Variants in MTAP observed in about 807,000 individuals in gnomAD.
MTAP encodes the protein methylthioadenosine phosphorylase.
Under a neutral mutation model 33.6 loss-of-function variants are expected in MTAP, and 33 were observed. That is an observed-to-expected ratio of 0.98 (90% CI 0.74 to 1.31). The LOEUF (loss-of-function observed/expected upper bound fraction) is 1.31. Ranked by LOEUF, MTAP falls within the 40% of genes most tolerant of loss-of-function variation. The pLI is 0.00. For synonymous variants in MTAP, 148 were observed against 125.7 expected (o/e 1.18, Z -1.19); for missense variants, 367 against 360.0 (o/e 1.02, Z -0.16).
intron 1 of MTAP, among the ~76,000 whole-genome samples, chr9:21,895,597 G>A (rs1563862474): frequency 6.6e-6 from 1 of 152,136 alleles, no homozygotes; most frequent in Non-Finnish European, 1.5e-5. Context: ...TGGAAAACTG[G>A]GACACTCCCA....
chr9:21,854,755 A>G lies in MTAP; in HGVS notation c.575A>G (p.Asp192Gly). The change falls in exon 6 of 8, where the codon GAT (aspartate) becomes GGT (glycine). Residue 192 changes from aspartate to glycine, a missense_variant. Transcript: ENST00000644715. ...ESFMFRTWGA[D>G]VINMTTVPEV... The stretch of plus-strand genomic sequence containing the variant: ...TTCATGTTCCGCACCTGGGGGGCGG[A>G]TGTTATCAACATGACCACAGTTCCA... 1.2e-6 allele frequency: 2 copies of G among 1,614,176 alleles called. No homozygotes were observed. Among genetic ancestry groups the G allele is most frequent in the Non-Finnish European group, 1.7e-6 (2 of 1,180,010 alleles).
At chr9:21,824,485 A>G (rs539108785) in intron 4 of MTAP, among the ~76,000 whole-genome samples, 48 of 152,252 alleles carry the variant, frequency 3.2e-4, no homozygotes, top group Admixed American at 6.5e-4. Flanking sequence ...AGGGGTACCC[A>G]GCCGTGTGAG....
At chr9:21,833,475 C>T (rs1277498653) in intron 4 of MTAP, among the ~76,000 whole-genome samples, 1 of 152,186 alleles carries the variant, frequency 6.6e-6, no homozygotes, top group Admixed American at 6.5e-5. Flanking sequence ...GTGAGCCTCA[C>T]TTCCTTCTGG....
chr9:21,905,035 A>G (rs1004066137), intron 1 of MTAP, among the ~76,000 whole-genome samples: 15 of 152,140 alleles, frequency 9.9e-5, no homozygotes, highest in African/African-American at 3.1e-4. Context: ...TACAGCTCCT[A>G]AAGCCCCAGT....
chr9:21,885,523 C>T lies in MTAP; in HGVS notation c.147+30653C>T, dbSNP rs747025467. Among the ~76,000 whole-genome samples, 55 of 152,164 alleles carry T rather than the reference C, an allele frequency of 3.6e-4. No individual in the cohort carries two copies. In the Middle Eastern group the frequency reaches 0.014, roughly 38 times the overall value. ...TTCCAAAATTTTGGTACACCCATCA[C>T]CCAAGCAGTGTACACTGTACCCAAT... On this transcript the variant is annotated intron_variant, in intron 1 of 1. Coordinates refer to the MTAP transcript ENST00000577563.
At chr9:21,813,684 T>A (rs1824407552) in intron 1 of MTAP, 1 of 152,194 alleles carries the variant, frequency 6.6e-6, no homozygotes, top group Admixed American at 6.5e-5. Flanking sequence ...AAAGTGGTGA[T>A]AAGTTAAAAA....
At chr9:21,835,566 C>G (rs1825084873) in intron 4 of MTAP, among the ~76,000 whole-genome samples, 1 of 152,002 alleles carries the variant, frequency 6.6e-6, no homozygotes, top group African/African-American at 2.4e-5. Flanking sequence ...GGCAACAGTC[C>G]CCACTTTGTG....
intron 1 of MTAP, among the ~76,000 whole-genome samples, chr9:21,811,460 T>TC (rs397893493): frequency 6.6e-6 from 1 of 152,190 alleles, no homozygotes; most frequent in African/African-American, 2.4e-5. Flanking sequence ...ATTTTTTTTT[T>TC]CACTGTGAAA....
chr9:21,890,795 G>T (rs1818188630), intron 1 of MTAP, among the ~76,000 whole-genome samples: 1 of 152,102 alleles, frequency 6.6e-6, no homozygotes, highest in Admixed American at 6.5e-5. Context: ...CAGTTTTTTG[G>T]CTGTCTCACA....
intron 1 of MTAP, among the ~76,000 whole-genome samples, chr9:21,887,732 T>A (rs1188296311): frequency 6.6e-6 from 1 of 152,164 alleles, no homozygotes. Flanking sequence ...CCACCAACAG[T>A]GTAAAAGTGT....
intron 1 of MTAP, among the ~76,000 whole-genome samples, chr9:21,872,910 C>T (rs186321055): frequency 8.9e-4 from 135 of 152,266 alleles, no homozygotes; most frequent in African/African-American, 3.1e-3. Context: ...ATCTGGTCCT[C>T]TCTAACAGTT....
At chr9:21,818,952 T>G (rs941788205) in intron 4 of MTAP, among the ~76,000 whole-genome samples, 1 of 152,158 alleles carries the variant, frequency 6.6e-6, no homozygotes, top group Non-Finnish European at 1.5e-5. Flanking sequence ...TTTCTACTCT[T>G]TACTTCTATG....
chr9:21,818,196 T>C lies in MTAP; in HGVS notation c.341T>C (p.Ile114Thr), dbSNP rs1824532286. The C allele has an allele frequency of 1.2e-6, 2 of 1,613,690 alleles. No individual in the cohort carries two copies. The highest frequency in any genetic ancestry group is 4.5e-5 in the East Asian group (2 of 44,850). ...GATATTGTCATTATTGATCAGTTCATTGACAGGTAAGCAGTCATACAAAAT... is the reference window on the plus strand; with the variant it reads ...GATATTGTCATTATTGATCAGTTCACTGACAGGTAAGCAGTCATACAAAAT... ...PGDIVIIDQF[I>T]DRTTMRPQSF... Residue 114 changes from isoleucine (I) to threonine (T), a missense_variant, in exon 4 of 8, where the codon ATT (isoleucine) becomes ACT (threonine). Transcript: ENST00000644715.
intron 1 of MTAP, among the ~76,000 whole-genome samples, chr9:21,906,515 C>T (rs1362038405): frequency 1.3e-5 from 2 of 151,622 alleles, no homozygotes; most frequent in Non-Finnish European, 2.9e-5. Flanking sequence ...AGAGAAGATG[C>T]AAGAGGACTG....
At chr9:21,852,973 A>G (rs2060226094) in intron 5 of MTAP, among the ~76,000 whole-genome samples, 1 of 152,178 alleles carries the variant, frequency 6.6e-6, no homozygotes, top group Non-Finnish European at 1.5e-5. Flanking sequence ...AGGTAAGAAA[A>G]TGAAATCATC....
chr9:21,909,080 C>T (rs1260794993), intron 1 of MTAP, among the ~76,000 whole-genome samples: 1 of 151,972 alleles, frequency 6.6e-6, no homozygotes, highest in Non-Finnish European at 1.5e-5. Flanking sequence ...TATCTTTATT[C>T]CTTCTTGCTG....
At chr9:21,859,172 T>G in intron 6 of MTAP, 131 bp from the exon 7 acceptor site, 3 of 1,337,324 alleles carry the variant, frequency 2.2e-6, no homozygotes, top group Non-Finnish European at 3.1e-6. Context: ...CATTGAGGAT[T>G]CGGTTTCAGC....
intron 4 of MTAP, among the ~76,000 whole-genome samples, chr9:21,836,064 G>A (rs1035467083): frequency 5.3e-5 from 8 of 152,048 alleles, no homozygotes; most frequent in African/African-American, 1.5e-4. Context: ...ATCTGGTGCC[G>A]ACTCCAATTC....
downstream of MTAP, among the ~76,000 whole-genome samples, chr9:21,938,021 C>T (rs558473391): frequency 2.4e-4 from 36 of 152,246 alleles, no homozygotes; most frequent in Admixed American, 1.6e-3. Context: ...GCCTGTAATC[C>T]TAGCACTTTG....
Sources: gnomAD v4.1 joint callset for allele counts (sites outside exome capture counted in the v4.1 genomes callset) on GRCh38, gnomAD v4.1.1 for gene constraint, MANE v1.5 for transcripts, NCBI Gene and HGNC (gene_info 2026-07-23, HGNC 2026-07-21) for gene names.